Variants in ZNF385D observed in about 807,000 individuals in gnomAD.
The protein encoded by ZNF385D is zinc finger protein 659.
ZNF385D carries 15 observed loss-of-function variants against 35.8 expected under a neutral mutation model. The ratio of observed to expected loss-of-function variants is 0.42; its 90% confidence interval spans 0.28 to 0.64. ZNF385D has a LOEUF of 0.64. ZNF385D is among the 30% of genes least tolerant of loss of function. ZNF385D has a pLI of 0.23. For missense variants in ZNF385D, 474 were observed against 494.6 expected (o/e 0.96, Z 0.39); for synonymous variants, 212 against 186.8 (o/e 1.13, Z -1.10).
chr3:22,191,489 G>GGA (rs1217340583), intron 2 of ZNF385D, among the ~76,000 whole-genome samples: 23 of 107,362 alleles, frequency 2.1e-4, no homozygotes, highest in African/African-American at 6.6e-4. Context: ...CTCCATCTAA[G>GGA]AAAAAAAAAA....
chr3:21,584,952 A>G (rs942489207), intron 2 of ZNF385D, among the ~76,000 whole-genome samples: 1 of 152,208 alleles, frequency 6.6e-6, no homozygotes, highest in Non-Finnish European at 1.5e-5. Context: ...TTTTGCAGCT[A>G]TATTTCCTTT....
At chr3:21,941,899 T>C (rs1015985971) in intron 3 of ZNF385D, among the ~76,000 whole-genome samples, 6 of 152,154 alleles carry the variant, frequency 3.9e-5, no homozygotes, top group Admixed American at 6.5e-5. Flanking sequence ...TTTAGAAAAA[T>C]TGTTCTTCCT....
chr3:22,173,545 C>G (rs1040588484), intron 2 of ZNF385D, among the ~76,000 whole-genome samples: 1 of 152,182 alleles, frequency 6.6e-6, no homozygotes, highest in East Asian at 1.9e-4. Context: ...AAAACAGGAA[C>G]CTCTTGAGAA....
chr3:22,014,851 T>G (rs1696785484), intron 3 of ZNF385D, among the ~76,000 whole-genome samples: 1 of 152,156 alleles, frequency 6.6e-6, no homozygotes, highest in South Asian at 2.1e-4. Flanking sequence ...CTTTGTAAAC[T>G]AATTTTGTAC....
chr3:21,622,496 T>C (rs2065034143), intron 2 of ZNF385D, among the ~76,000 whole-genome samples: 1 of 152,116 alleles, frequency 6.6e-6, no homozygotes, highest in African/African-American at 2.4e-5. Context: ...TTTTGCCACT[T>C]ATTAGGAGAG....
intron 3 of ZNF385D, among the ~76,000 whole-genome samples, chr3:21,873,983 A>T (rs1412556308): frequency 3.3e-5 from 5 of 150,066 alleles, no homozygotes; most frequent in African/African-American, 1.2e-4. Flanking sequence ...TCCTGATTTC[A>T]TTTTTTTTTT....
chr3:21,662,215 T>G (rs2066259478), intron 2 of ZNF385D, among the ~76,000 whole-genome samples: 1 of 152,112 alleles, frequency 6.6e-6, no homozygotes, highest in Non-Finnish European at 1.5e-5. Flanking sequence ...AAAGTTTGTG[T>G]GTCTAAGCGT....
intron 3 of ZNF385D, among the ~76,000 whole-genome samples, chr3:21,757,914 A>C (rs191913189): frequency 6.6e-6 from 1 of 152,156 alleles, no homozygotes; most frequent in African/African-American, 2.4e-5. Flanking sequence ...TGCCATAAAT[A>C]TATGTTGAGT....
At chr3:21,589,807 A>C (rs1420162690) in intron 2 of ZNF385D, among the ~76,000 whole-genome samples, 1 of 152,156 alleles carries the variant, frequency 6.6e-6, no homozygotes, top group African/African-American at 2.4e-5. Flanking sequence ...TTTTCATCTG[A>C]AAGATTTACA....
chr3:22,038,835 A>G (rs1698491172), intron 3 of ZNF385D, among the ~76,000 whole-genome samples: 2 of 151,344 alleles, frequency 1.3e-5, no homozygotes, highest in Admixed American at 1.3e-4. Context: ...AGTGATGAAC[A>G]TGGTCATTAT....
chr3:21,524,637 A>T (rs1708117305), intron 3 of ZNF385D, among the ~76,000 whole-genome samples: 1 of 152,178 alleles, frequency 6.6e-6, no homozygotes, highest in Non-Finnish European at 1.5e-5. Context: ...TAAGGATAAA[A>T]GTCCTATCAC....
At chr3:21,932,621 G>T (rs1701069712) in intron 3 of ZNF385D, among the ~76,000 whole-genome samples, 1 of 151,764 alleles carries the variant, frequency 6.6e-6, no homozygotes, top group Admixed American at 6.6e-5. Flanking sequence ...TTGGAGTCAG[G>T]ATTATTTTCT....
intron 4 of ZNF385D, among the ~76,000 whole-genome samples, chr3:21,457,729 T>C (rs1702910466): frequency 6.6e-6 from 1 of 152,178 alleles, no homozygotes; most frequent in African/African-American, 2.4e-5. Flanking sequence ...CATGATGCTC[T>C]GAAAAACAGG....
intron 3 of ZNF385D, among the ~76,000 whole-genome samples, chr3:21,557,091 T>C (rs912969082): frequency 2.6e-5 from 4 of 152,210 alleles, no homozygotes; most frequent in Non-Finnish European, 5.9e-5. Flanking sequence ...GTTATCTAAA[T>C]ATACAATCAT....
At chr3:22,189,873 T>G (rs935666950) in intron 2 of ZNF385D, among the ~76,000 whole-genome samples, 1 of 152,142 alleles carries the variant, frequency 6.6e-6, no homozygotes, top group African/African-American at 2.4e-5. Context: ...TGTTGTTCAT[T>G]AAGCACAAGC....
chr3:22,024,087 G>T (rs1369494451), intron 3 of ZNF385D, among the ~76,000 whole-genome samples: 1 of 152,054 alleles, frequency 6.6e-6, no homozygotes, highest in Admixed American at 6.6e-5. Context: ...CTAATCAGCT[G>T]CCAGTGAATA....
intron 3 of ZNF385D, among the ~76,000 whole-genome samples, chr3:21,973,731 C>A (rs1376965887): frequency 6.6e-6 from 1 of 151,984 alleles, no homozygotes; most frequent in African/African-American, 2.4e-5. Flanking sequence ...AGTAAAGTTG[C>A]AGGATACAAT....
chr3:21,499,413 A>G (rs1452331329), intron 4 of ZNF385D, among the ~76,000 whole-genome samples: 3 of 152,130 alleles, frequency 2.0e-5, no homozygotes, highest in East Asian at 1.9e-4. Context: ...TCACTTATGA[A>G]TGGGAGCTAA....
At chr3:21,987,743 G>A (rs979554013) in intron 3 of ZNF385D, among the ~76,000 whole-genome samples, 2 of 143,702 alleles carry the variant, frequency 1.4e-5, no homozygotes, top group African/African-American at 5.4e-5. Flanking sequence ...AAGTTCTCCT[G>A]GATAATATCC....
Sources: allele counts gnomAD v4.1 joint callset (sites outside exome capture counted in the v4.1 genomes callset), GRCh38; gene constraint gnomAD v4.1.1; transcripts MANE v1.5; gene names NCBI Gene and HGNC (gene_info 2026-07-23, HGNC 2026-07-21).